Variants in PTPRD observed in about 807,000 individuals in gnomAD.
PTPRD encodes receptor-type tyrosine-protein phosphatase delta.
PTPRD carries 34 observed loss-of-function variants against 214.5 expected under a neutral mutation model. The ratio of observed to expected loss-of-function variants is 0.16; its 90% CI spans 0.12 to 0.21. PTPRD has a LOEUF of 0.21. Among genes scored for constraint, PTPRD ranks in the 10% least tolerant of loss-of-function variants. PTPRD has a pLI of 1.00. For synonymous variants in PTPRD, 1,128 were observed against 845.7 expected (o/e 1.33, Z -5.79); for missense variants, 2,545 against 2,398.7 (o/e 1.06, Z -1.27).
intron 37 of PTPRD, among the ~76,000 whole-genome samples, chr9:8,377,075 G>A (rs1194244001): frequency 6.6e-6 from 1 of 152,028 alleles, no homozygotes; most frequent in East Asian, 1.9e-4. Context: ...AATCACATCG[G>A]GAGGATGACA....
At chr9:10,207,063 A>T (rs1435936873) in intron 3 of PTPRD, among the ~76,000 whole-genome samples, 3 of 152,142 alleles carry the variant, frequency 2.0e-5, no homozygotes, top group Non-Finnish European at 4.4e-5. Context: ...TGTATTCATC[A>T]TCTATCTATA....
chr9:10,322,514 A>C (rs1286200855), intron 3 of PTPRD, among the ~76,000 whole-genome samples: 1 of 152,050 alleles, frequency 6.6e-6, no homozygotes, highest in Non-Finnish European at 1.5e-5. Context: ...ATATATTTGC[A>C]TCTACAACTG....
chr9:9,925,067 T>C (rs1026029170), intron 5 of PTPRD, among the ~76,000 whole-genome samples: 1 of 152,118 alleles, frequency 6.6e-6, no homozygotes, highest in African/African-American at 2.4e-5. Context: ...TATATTACAG[T>C]GTTTATATTA....
intron 21 of PTPRD, among the ~76,000 whole-genome samples, chr9:8,511,845 C>T (rs938952576): frequency 1.3e-5 from 2 of 152,056 alleles, no homozygotes; most frequent in African/African-American, 2.4e-5. Context: ...CATAATCCTA[C>T]TGATACATGT....
chr9:9,003,096 G>A (rs1381916650), intron 11 of PTPRD, among the ~76,000 whole-genome samples: 2 of 151,954 alleles, frequency 1.3e-5, no homozygotes, highest in Non-Finnish European at 2.9e-5. Flanking sequence ...TTCAGAATAC[G>A]TTAGGTAACT....
rs372016363 is a variant in PTPRD at position 9,854,903 on chromosome 9, C to G, written c.-368+83604G>C. Among the ~76,000 whole-genome samples, 8 of 152,156 alleles carry G rather than the reference C, an allele frequency of 5.3e-5. No homozygotes were observed. The East Asian group carries it at 1.5e-3, about 29-fold the overall frequency. The stretch of plus-strand genomic sequence containing the variant: ...CACTAACTTTAGTTTATTCCCACAA[C>G]TGGACCAACAAATTGAGGAATTTGG... On this transcript the variant is annotated intron_variant, in intron 5 of 45. Transcript: ENST00000381196.
At chr9:9,157,489 C>A (rs2099882235) in intron 10 of PTPRD, among the ~76,000 whole-genome samples, 1 of 152,034 alleles carries the variant, frequency 6.6e-6, no homozygotes. Flanking sequence ...CTATGAACAA[C>A]TGTATGTCAA....
intron 7 of PTPRD, among the ~76,000 whole-genome samples, chr9:9,710,835 T>C (rs2097712859): frequency 6.6e-6 from 1 of 152,090 alleles, no homozygotes. Flanking sequence ...TTTCATTCAA[T>C]ACCGTTTGCT....
At chr9:9,074,102 T>C (rs1225904926) in intron 10 of PTPRD, among the ~76,000 whole-genome samples, 2 of 152,098 alleles carry the variant, frequency 1.3e-5, no homozygotes, top group Non-Finnish European at 2.9e-5. Context: ...AAATATTATT[T>C]AGAGATGAAA....
intron 11 of PTPRD, among the ~76,000 whole-genome samples, chr9:8,936,436 A>AAAAAAAAAAAAAAAAAAC: frequency 6.7e-6 from 1 of 148,976 alleles, no homozygotes; most frequent in Non-Finnish European, 1.5e-5. Flanking sequence ...CCAAAAAAAA[A>AAAAAAAAAAAAAAAAAAC]AAAAAAAAAA....
At chr9:10,377,330 G>A (rs1027460744) in intron 2 of PTPRD, among the ~76,000 whole-genome samples, 3 of 151,532 alleles carry the variant, frequency 2.0e-5, no homozygotes, top group Non-Finnish European at 4.4e-5. Flanking sequence ...TAGGGTACAC[G>A]AGCACAATAT....
chr9:10,582,551 C>A (rs1299548547), intron 2 of PTPRD, among the ~76,000 whole-genome samples: 1 of 152,152 alleles, frequency 6.6e-6, no homozygotes, highest in Non-Finnish European at 1.5e-5. Flanking sequence ...TCAGAGTTGA[C>A]AACACCCTAA....
intron 44 of PTPRD, among the ~76,000 whole-genome samples, chr9:8,323,854 AAAG>A (rs560865301): frequency 6.6e-6 from 1 of 152,198 alleles, no homozygotes; most frequent in Non-Finnish European, 1.5e-5. Context: ...TCCAATTTTG[AAAG>A]AAGTTCTACT....
chr9:10,378,247 T>C (rs1460118805), intron 2 of PTPRD, among the ~76,000 whole-genome samples: 6 of 152,024 alleles, frequency 3.9e-5, no homozygotes, highest in Non-Finnish European at 5.9e-5. Flanking sequence ...GAAAATATAG[T>C]TTCCAGTTCT....
intron 3 of PTPRD, among the ~76,000 whole-genome samples, chr9:10,234,224 A>C (rs1192510853): frequency 6.6e-6 from 1 of 151,662 alleles, no homozygotes; most frequent in Non-Finnish European, 1.5e-5. Context: ...TTAATAAATA[A>C]TTAATAAAAA....
At chr9:9,078,751 C>A (rs2099754747) in intron 10 of PTPRD, among the ~76,000 whole-genome samples, 1 of 152,030 alleles carries the variant, frequency 6.6e-6, no homozygotes, top group Non-Finnish European at 1.5e-5. Flanking sequence ...CCCAGTCGAT[C>A]CTGCAGTGAG....
At chr9:10,338,041 G>C (rs2096873837) in intron 3 of PTPRD, among the ~76,000 whole-genome samples, 1 of 151,546 alleles carries the variant, frequency 6.6e-6, no homozygotes, top group African/African-American at 2.4e-5. Flanking sequence ...GTATTAAAGA[G>C]TCATGAAGTA....
intron 10 of PTPRD, among the ~76,000 whole-genome samples, chr9:9,105,541 T>C (rs1042580864): frequency 9.8e-5 from 15 of 152,326 alleles, no homozygotes; most frequent in African/African-American, 7.2e-5. Flanking sequence ...CAGCATATTG[T>C]CTTCTTCATT....
intron 11 of PTPRD, among the ~76,000 whole-genome samples, chr9:8,899,212 G>A (rs73640962): frequency 0.019 from 2,876 of 152,184 alleles, 85 homozygotes; most frequent in African/African-American, 0.065. Context: ...CAAGAGCACC[G>A]TAATTATCAT....
Sources: gnomAD v4.1 joint callset for allele counts (sites outside exome capture counted in the v4.1 genomes callset) on GRCh38, gnomAD v4.1.1 for gene constraint, MANE v1.5 for transcripts, NCBI Gene and HGNC (gene_info 2026-07-23, HGNC 2026-07-21) for gene names.